VPS39: variants seen among roughly 807,000 people sequenced by gnomAD.
The protein encoded by VPS39 is VPS39 subunit of HOPS complex, also known as vam6/Vps39-like protein.
In VPS39, 70 loss-of-function variants were observed where a neutral mutation model predicts 121.0. The observed-to-expected ratio is 0.58, with a 90% CI of 0.48 to 0.71. VPS39 has a LOEUF of 0.71. Among genes scored for constraint, VPS39 ranks in the 30% least tolerant of loss-of-function variants. The pLI is 0.00. For missense variants in VPS39, 818 were observed against 1,051.5 expected, an observed-to-expected ratio of 0.78 and a Z score of 3.07; for synonymous variants, 378 against 398.1, an observed-to-expected ratio of 0.95 and a Z score of 0.60.
intron 20 of VPS39, 38 bp downstream of exon 20, chr15:42,163,588 T>TA (rs1481562907): frequency 1.3e-6 from 2 of 1,589,354 alleles, no homozygotes; most frequent in South Asian, 2.2e-5. Context: ...GGCCTGCTTT[T>TA]AGACTGCTTA....
intron 7 of VPS39, among the ~76,000 whole-genome samples, chr15:42,185,147 C>T (rs1026051712): frequency 3.3e-5 from 5 of 150,816 alleles, no homozygotes; most frequent in Admixed American, 1.3e-4. Context: ...GTCTTAGATG[C>T]TTATTCAAAA....
At chr15:42,173,976 G>A (rs1031237845) in intron 10 of VPS39, 124 bp from the exon 11 acceptor site, 59 of 1,132,314 alleles carry the variant, frequency 5.2e-5, no homozygotes, top group Non-Finnish European at 7.1e-5. Context: ...GGCCGGGCGC[G>A]GTGCCTCACG....
intron 2 of VPS39, among the ~76,000 whole-genome samples, chr15:42,197,451 G>A (rs1296078188): frequency 6.6e-6 from 1 of 152,010 alleles, no homozygotes; most frequent in Non-Finnish European, 1.5e-5. Flanking sequence ...TACCTGGGAG[G>A]CTGAGGTGGG....
intron 12 of VPS39, among the ~76,000 whole-genome samples, chr15:42,168,547 T>C (rs1199435628): frequency 6.6e-6 from 1 of 150,500 alleles, no homozygotes; most frequent in African/African-American, 2.4e-5. Flanking sequence ...CTTCTTCTTT[T>C]TTTTTTTTTT....
intron 2 of VPS39, 184 bp downstream of exon 2, chr15:42,199,712 C>G (rs2140889181): frequency 1.7e-6 from 1 of 589,920 alleles, no homozygotes; most frequent in East Asian, 3.2e-5. Flanking sequence ...CTCCCAAATG[C>G]AGGTAGGGCA....
At position 42,180,936 on chromosome 15, in the gene VPS39, G is replaced by A. The variant is rs755807855; in HGVS notation, c.719-2366C>T. On this transcript the variant is annotated intron_variant, in intron 8 of 24. Transcript: ENST00000318006. ...TGTTGGTGGGACTGTAAAATGGTGC[G>A]GCCGCTATGGAAAACAGTATGGTGG... 1.2e-4 allele frequency among the ~76,000 whole-genome samples: 18 copies of A among 152,070 alleles called. No individual in the cohort carries two copies. In the East Asian group the frequency reaches 1.7e-3, roughly 15 times the overall value.
Position 42,186,010 on chromosome 15 carries a change from C to T in VPS39, c.534+1261G>A, listed in dbSNP as rs183094418. 1.1e-4 allele frequency among the ~76,000 whole-genome samples: 17 copies of T among 152,280 alleles called. No individual in the cohort carries two copies. The East Asian group carries it at 1.9e-3, about 17-fold the overall frequency. On this transcript the variant is annotated intron_variant, in intron 7 of 24. Transcript: ENST00000318006. ...TTGCTCAGTTCCCTTATTCCTTGTG[C>T]GCTCTCTCACCATCTGTAGGCCTAC... is the stretch of plus-strand genomic sequence containing the variant.
chr15:42,161,300 G>C (rs2049121553), intron 24 of VPS39: 1 of 384,696 alleles, frequency 2.6e-6, no homozygotes, highest in Admixed American at 3.7e-5. Flanking sequence ...TATGAGTCTG[G>C]CTCAGGATCC....
chr15:42,189,199 A>G lies in VPS39; in HGVS notation c.257T>C (p.Ile86Thr). 1.2e-6 allele frequency: 2 copies of G among 1,613,012 alleles called. No individual in the cohort carries two copies. The highest frequency in any genetic ancestry group is 2.2e-5 in the South Asian group (2 of 91,054). The change falls in exon 5 of 25, where the codon ATT becomes ACT. Residue 86 changes from isoleucine to threonine, a missense_variant. Ile to Thr is a moderately conservative substitution (Grantham distance 89). Transcript: ENST00000318006. The stretch of plus-strand genomic sequence containing the variant: ...AAATGTCAATAGGTCATGGACATAA[A>G]TGTTATTTTCTGTTTGGGAGGAGGT... ...KILVSLLENN[I>T]YVHDLLTFQQ...
rs1328292266 is a variant in VPS39 at position 42,158,704 on chromosome 15, G to C, written c.*2050C>G. 6.6e-6 allele frequency: 1 copy of C among 152,110 alleles called. No individual in the cohort carries two copies. Among genetic ancestry groups the C allele is most frequent in the Non-Finnish European group, 1.5e-5 (1 of 68,038 alleles). The allele number at this position is 152,110 out of a possible 1,614,324, so 9.4% of individuals were successfully genotyped here. On this transcript the variant is annotated 3_prime_UTR_variant, in exon 25 of 25. Transcript: ENST00000318006. ...AGGGAGAAATAAGAGACCCAGATAG[G>C]CTTGGTTTCTTGCTTTATTAGGTTT... is the stretch of plus-strand genomic sequence containing the variant.
intron 2 of VPS39, among the ~76,000 whole-genome samples, chr15:42,196,368 A>G (rs1216380971): frequency 1.3e-5 from 2 of 152,192 alleles, no homozygotes; most frequent in African/African-American, 2.4e-5. Flanking sequence ...AGAAACTACC[A>G]TCAGAGTGAA....
In VPS39 at chr15:42,161,584, T is replaced by C. The variant is rs753604311; in HGVS notation, c.2552+98A>G. 12 of 1,226,944 alleles carry C rather than the reference T, an allele frequency of 9.8e-6. No homozygotes were observed. In the South Asian group the frequency reaches 1.3e-4, roughly 13 times the overall value. The allele number at this position is 1,226,944 out of a possible 1,614,324, so 76.0% of individuals were successfully genotyped here. ...GTCAGGACAGCCAGCAGCCATGTTC[T>C]CCTTCTCTGTTAAAGGGCAGAAATC... On this transcript the variant is annotated intron_variant, in intron 24 of 24. Coordinates refer to ENST00000318006, the MANE Select transcript of VPS39 (RefSeq NM_015289.5).
intron 4 of VPS39, among the ~76,000 whole-genome samples, chr15:42,190,149 G>A (rs1595673624): frequency 6.6e-6 from 1 of 152,186 alleles, no homozygotes; most frequent in East Asian, 1.9e-4. Flanking sequence ...TTTCAAGTCT[G>A]AAATATTATG....
At chr15:42,166,066 C>T (rs555946593) in intron 16 of VPS39, 93 bp downstream of exon 16, 10 of 1,284,660 alleles carry the variant, frequency 7.8e-6, no homozygotes, top group African/African-American at 7.3e-5. Context: ...AAGACAGATG[C>T]ATGAATCCAC....
chr15:42,164,817 A>T, intron 18 of VPS39, 179 bp downstream of exon 18: 7 of 1,436,766 alleles, frequency 4.9e-6, no homozygotes, highest in Non-Finnish European at 6.4e-6. Context: ...GACCTAGACA[A>T]GAGCTCCTGA....
chr15:42,161,435 G>T, intron 24 of VPS39: 1 of 590,364 alleles, frequency 1.7e-6, no homozygotes. Flanking sequence ...GCTTCAAGAG[G>T]GGAAGAGTTT....
chr15:42,192,625 G>A (rs1041836502), intron 2 of VPS39, among the ~76,000 whole-genome samples: 2 of 152,116 alleles, frequency 1.3e-5, no homozygotes, highest in African/African-American at 4.8e-5. Flanking sequence ...CTCAGCAGAG[G>A]GGATGAAGAA....
At position 42,173,804 on chromosome 15, in the gene VPS39, T is replaced by C; in HGVS notation, c.1009A>G (p.Ile337Val). The C allele has an allele frequency of 6.2e-7, 1 of 1,614,168 alleles. No homozygotes were observed. The highest frequency in any genetic ancestry group is 8.5e-7 in the Non-Finnish European group (1 of 1,179,998). Residue 337 changes from isoleucine to valine, a missense_variant, in exon 11 of 25, where the codon ATC (isoleucine) becomes GTC (valine). Physicochemically the swap from Ile to Val is conservative, Grantham distance 29. Coordinates refer to ENST00000318006, the MANE Select transcript of VPS39 (RefSeq NM_015289.5). Reference protein sequence around the residue: ...DSEKQQQIHHIKNLYAFNLFC... With the variant: ...DSEKQQQIHHVKNLYAFNLFC... ...AGGTTGAAGGCATACAAGTTCTTGA[T>C]GTGATGAATTTGTTGCTGCTTTTCA...
intron 11 of VPS39, among the ~76,000 whole-genome samples, chr15:42,171,544 T>A (rs534310596): frequency 3.5e-4 from 53 of 152,370 alleles, no homozygotes; most frequent in African/African-American, 1.2e-3. Flanking sequence ...TGGAACCCTG[T>A]CTTCTGCTCA....
Sources: gnomAD v4.1 joint callset for allele counts (sites outside exome capture counted in the v4.1 genomes callset) on GRCh38, gnomAD v4.1.1 for gene constraint, MANE v1.5 for transcripts, NCBI Gene and HGNC (gene_info 2026-07-23, HGNC 2026-07-21) for gene names.